SYT1: variants seen among roughly 807,000 people sequenced by gnomAD.
SYT1 encodes the protein synaptotagmin-1.
In SYT1, 8 loss-of-function variants were observed where a neutral mutation model predicts 44.8. That is an observed-to-expected ratio of 0.18 (90% CI 0.10 to 0.32). The LOEUF is 0.32. Ranked by LOEUF, SYT1 falls within the 10% of genes least tolerant of loss-of-function variation. The pLI is 1.00. For missense variants in SYT1, 286 were observed against 509.3 expected, an observed-to-expected ratio of 0.56 and a Z score of 4.22; for synonymous variants, 154 against 188.8, an observed-to-expected ratio of 0.82 and a Z score of 1.51.
chr12:79,160,190 T>A (rs750260772), intron 3 of SYT1, among the ~76,000 whole-genome samples: 1 of 152,118 alleles, frequency 6.6e-6, no homozygotes, highest in African/African-American at 2.4e-5. Context: ...GATGAGGTAA[T>A]GTCTTTAAGA....
At chr12:78,864,717 G>A (rs530147459), upstream of SYT1, 3 of 152,486 alleles carry the variant, frequency 2.0e-5, no homozygotes, top group Non-Finnish European at 4.4e-5. Flanking sequence ...CCTCCTCACT[G>A]GAGGGATTCC....
intron 4 of SYT1, among the ~76,000 whole-genome samples, chr12:79,235,363 G>A (rs777725888): frequency 8.6e-5 from 13 of 152,008 alleles, no homozygotes; most frequent in Non-Finnish European, 1.5e-4. Flanking sequence ...ACAATGGATT[G>A]TAGACCTAAA....
chr12:79,406,917 G>T (rs1038704103), intron 9 of SYT1, among the ~76,000 whole-genome samples: 1 of 151,982 alleles, frequency 6.6e-6, no homozygotes, highest in Admixed American at 6.6e-5. Context: ...GTGTAGAGGT[G>T]AACTACCCTG....
chr12:79,050,233 T>A (rs538975131), intron 3 of SYT1, among the ~76,000 whole-genome samples: 1 of 151,966 alleles, frequency 6.6e-6, no homozygotes, highest in Non-Finnish European at 1.5e-5. Flanking sequence ...GAAGAGAAAA[T>A]GTATTTACTA....
intron 3 of SYT1, among the ~76,000 whole-genome samples, chr12:79,149,622 T>C (rs1210727266): frequency 1.3e-5 from 2 of 152,100 alleles, no homozygotes; most frequent in East Asian, 3.9e-4. Flanking sequence ...AATCCATACT[T>C]TATGGAAAAG....
At chr12:79,335,211 G>T (rs1227121916) in intron 8 of SYT1, among the ~76,000 whole-genome samples, 1 of 152,074 alleles carries the variant, frequency 6.6e-6, no homozygotes, top group Non-Finnish European at 1.5e-5. Flanking sequence ...CTTTCAACTA[G>T]ATCTTTCTTT....
chr12:79,417,802 C>G (rs1022080984), intron 9 of SYT1, among the ~76,000 whole-genome samples: 2 of 151,934 alleles, frequency 1.3e-5, no homozygotes, highest in Non-Finnish European at 2.9e-5. Flanking sequence ...ACTCCCACCC[C>G]CCACTTCAAC....
At chr12:79,012,994 T>A (rs1053549458) in intron 2 of SYT1, among the ~76,000 whole-genome samples, 1 of 152,026 alleles carries the variant, frequency 6.6e-6, no homozygotes, top group African/African-American at 2.4e-5. Context: ...CAGTCCCTTC[T>A]ACCTGGAGGT....
chr12:79,001,891 G>A (rs1870764195), intron 2 of SYT1, among the ~76,000 whole-genome samples: 1 of 150,306 alleles, frequency 6.7e-6, no homozygotes, highest in Non-Finnish European at 1.5e-5. Flanking sequence ...TTTTTTTTTG[G>A]CACTTGCCTG....
rs1881972319 is a variant in SYT1 at position 79,333,930 on chromosome 12, T to G, written c.811-19572T>G. 2.0e-5 allele frequency among the ~76,000 whole-genome samples: 3 copies of G among 152,338 alleles called. No homozygotes were observed. In the South Asian group the frequency reaches 6.2e-4, roughly 32 times the overall value. On this transcript the variant is annotated intron_variant, in intron 8 of 10. Transcript: ENST00000261205. Reference sequence around the variant, plus strand: ...TGTTTTCTCTTTGTCTTGTTTACATTTTTTCCTGCCAAGTTAATTCTCCAA... The same window carrying G: ...TGTTTTCTCTTTGTCTTGTTTACATGTTTTCCTGCCAAGTTAATTCTCCAA...
intron 4 of SYT1, among the ~76,000 whole-genome samples, chr12:79,264,857 T>G (rs1878038551): frequency 6.6e-6 from 1 of 152,236 alleles, no homozygotes; most frequent in Admixed American, 6.5e-5. Context: ...TTACTCATTC[T>G]ATTGTTTATT....
chr12:79,026,877 G>T (rs546429289), intron 2 of SYT1, among the ~76,000 whole-genome samples: 2 of 149,970 alleles, frequency 1.3e-5, no homozygotes, highest in South Asian at 4.2e-4. Context: ...CTATTAGGAT[G>T]GCTACTACAA....
At chr12:79,220,968 G>C (rs1391538718) in intron 4 of SYT1, among the ~76,000 whole-genome samples, 1 of 152,056 alleles carries the variant, frequency 6.6e-6, no homozygotes, top group African/African-American at 2.4e-5. Context: ...TAGTTTAGGT[G>C]ATGTTTCCCT....
chr12:78,982,880 C>A (rs1173280926), intron 2 of SYT1, among the ~76,000 whole-genome samples: 6 of 152,138 alleles, frequency 3.9e-5, no homozygotes, highest in Non-Finnish European at 8.8e-5. Flanking sequence ...TGAGTTCATA[C>A]CTTTGTTTCT....
chr12:79,417,284 C>T (rs750897714), intron 9 of SYT1, among the ~76,000 whole-genome samples: 3 of 152,142 alleles, frequency 2.0e-5, no homozygotes, highest in Non-Finnish European at 4.4e-5. Flanking sequence ...GTTGGTTTCT[C>T]TTCATCCAAT....
chr12:79,431,996 G>T (rs1217031668), intron 9 of SYT1, among the ~76,000 whole-genome samples: 1 of 152,058 alleles, frequency 6.6e-6, no homozygotes, highest in Admixed American at 6.5e-5. Context: ...ACAGAATTTT[G>T]CAGCTTTATG....
chr12:78,913,328 TATTA>T (rs764194002), intron 1 of SYT1, among the ~76,000 whole-genome samples: 10 of 151,474 alleles, frequency 6.6e-5, no homozygotes, highest in South Asian at 2.1e-4. Flanking sequence ...CTTTTTGTCT[TATTA>T]ATTGTGTATT....
chr12:78,889,106 C>A (rs891412007), intron 1 of SYT1, among the ~76,000 whole-genome samples: 1 of 151,572 alleles, frequency 6.6e-6, no homozygotes, highest in Non-Finnish European at 1.5e-5. Flanking sequence ...ATTTGAGAAC[C>A]TTATAGTTAA....
chr12:79,257,110 T>A (rs1259979551), intron 4 of SYT1, among the ~76,000 whole-genome samples: 1 of 152,238 alleles, frequency 6.6e-6, no homozygotes. Flanking sequence ...TTTAGTAGCA[T>A]GTATCAAAAT....
Sources: allele counts gnomAD v4.1 joint callset (sites outside exome capture counted in the v4.1 genomes callset), GRCh38; gene constraint gnomAD v4.1.1; transcripts MANE v1.5; gene names NCBI Gene and HGNC (gene_info 2026-07-23, HGNC 2026-07-21).